Variants in SLC47A2 observed in about 807,000 individuals in gnomAD.
The protein encoded by SLC47A2 is solute carrier family 47 member 2.
SLC47A2 carries 52 observed loss-of-function variants against 67.7 expected under a neutral mutation model. The ratio of observed to expected loss-of-function variants is 0.77; its 90% CI spans 0.61 to 0.97. The LOEUF (loss-of-function observed/expected upper bound fraction) is 0.97, where lower values mean the gene tolerates loss of function less well. Ranked by LOEUF, SLC47A2 falls within the 50% of genes least tolerant of loss-of-function variation. SLC47A2 has a pLI of 0.00. For missense variants in SLC47A2, 676 were observed against 712.3 expected (o/e 0.95, Z 0.58); for synonymous variants, 278 against 292.9 (o/e 0.95, Z 0.52).
chr17:19,717,793 CTTT>C (rs2086297505), upstream of SLC47A2: 2 of 152,254 alleles, frequency 1.3e-5, no homozygotes, highest in African/African-American at 4.8e-5. Context: ...ACGCAGCCTT[CTTT>C]TTTGACACAG....
chr17:19,691,111 G>T (rs556098273), intron 13 of SLC47A2, among the ~76,000 whole-genome samples: 2 of 150,742 alleles, frequency 1.3e-5, no homozygotes, highest in Admixed American at 6.6e-5. Context: ...CAACAAGAGC[G>T]AAACTCCGTC....
At chr17:19,705,660 C>T (rs1026060929) in intron 9 of SLC47A2, among the ~76,000 whole-genome samples, 157 bp from the exon 10 acceptor site, 6 of 151,504 alleles carry the variant, frequency 4.0e-5, no homozygotes, top group East Asian at 1.9e-4. Context: ...AGTGCAGTGG[C>T]GCAATTATAG....
intron 10 of SLC47A2, 81 bp from the exon 11 acceptor site, chr17:19,704,259 G>T: frequency 1.7e-6 from 2 of 1,144,990 alleles, no homozygotes; most frequent in South Asian, 1.5e-5. Flanking sequence ...GGCCAAGAGG[G>T]ACGTGAGCGG....
rs1441418577 is a variant in SLC47A2, at chr17:19,678,430, C to T, written c.*256G>A. ...TAGTGACAATCCCTGGACTCTGACT[C>T]GTGCAGTTGGCTGATGTCTTCTGTA... On this transcript the variant is annotated 3_prime_UTR_variant, in exon 17 of 17. Transcript: ENST00000433844. 8 of 515,898 alleles carry T rather than the reference C, an allele frequency of 1.6e-5. No homozygotes were observed. The highest frequency in any genetic ancestry group is 3.2e-5 in the Admixed American group (1 of 31,444). 32.0% of individuals were successfully genotyped at this position (515,898 alleles called of 1,614,324 possible).
chr17:19,697,738 C>T (rs118124052), intron 13 of SLC47A2, among the ~76,000 whole-genome samples: 1 of 151,528 alleles, frequency 6.6e-6, no homozygotes, highest in Non-Finnish European at 1.5e-5. Context: ...CAGATATGCA[C>T]CACTATGCCC....
chr17:19,678,816 T>C lies in SLC47A2; in HGVS notation c.1571A>G (p.His524Arg), dbSNP rs200852129. 68 of 1,614,076 alleles carry C rather than the reference T, an allele frequency of 4.2e-5. No individual in the cohort carries two copies. The African/African-American group carries it at 8.0e-4, about 19-fold the overall frequency. The part of the protein sequence containing the change: ...VDFFRTPEEA[H>R]ALSAPTSRLS... Reference sequence around the variant, plus strand: ...TCTGCTGGTAGGAGCTGAAAGGGCGTGGGCCTCCTCTGGAGTCCTGAAGAA... The same window carrying C: ...TCTGCTGGTAGGAGCTGAAAGGGCGCGGGCCTCCTCTGGAGTCCTGAAGAA... Residue 524 changes from histidine to arginine, a missense_variant, in exon 17 of 17, where the codon CAC (histidine) becomes CGC (arginine). By Grantham distance (29) the His-to-Arg change is conservative. Coordinates refer to ENST00000433844, the MANE Select transcript of SLC47A2 (RefSeq NM_001099646.3).
rs959276279 is a variant in SLC47A2, at chr17:19,685,287, G to A, written c.1165-3617C>T. 1.3e-5 allele frequency among the ~76,000 whole-genome samples: 2 copies of A among 152,066 alleles called. No individual in the cohort carries two copies. The highest frequency in any genetic ancestry group is 2.4e-5 in the African/African-American group (1 of 41,398). ...CCACCCCATCTAGGAAGTGAGCAGC[G>A]TCTCTGCTTGGCTGCCCATCGTCTG... On this transcript the variant is annotated intron_variant, in intron 13 of 16. Transcript: ENST00000433844. The surrounding 1 kb of genome is among the most constrained non-coding windows in gnomAD (Gnocchi z 4.5).
intron 13 of SLC47A2, 164 bp downstream of exon 13, chr17:19,702,441 A>C (rs1597618873): frequency 1.0e-6 from 1 of 985,336 alleles, no homozygotes; most frequent in Non-Finnish European, 1.2e-6. Flanking sequence ...TGTTTGAAAT[A>C]AGAATGGAAC....
chr17:19,714,035 G>T, intron 3 of SLC47A2, 62 bp from the exon 4 acceptor site: 1 of 1,551,616 alleles, frequency 6.4e-7, no homozygotes, highest in Non-Finnish European at 8.7e-7. Flanking sequence ...TAAATCCCGC[G>T]CGGGGAGCGG....
chr17:19,704,802 C>T (rs1460055003), intron 10 of SLC47A2: 9 of 742,418 alleles, frequency 1.2e-5, no homozygotes, highest in African/African-American at 1.1e-4. Flanking sequence ...GGAATGTGGC[C>T]TGCTGCTCGA....
rs752332889 is a variant in SLC47A2, at chr17:19,681,587, G to T, written c.1248C>A (p.Gly416=). The T allele has an allele frequency of 2.3e-4, 379 of 1,614,078 alleles. No homozygotes were observed. Among genetic ancestry groups the T allele is most frequent in the Non-Finnish European group, 3.1e-4 (369 of 1,180,044 alleles). ...AVNAITYYII[G]LPLGILLTFV... ...AGGTCAGAAGGATGCCCAGTGGTAG[G>T]CCGATGATGTAATATGTGATGGCAT... is the stretch of plus-strand genomic sequence containing the variant. The change falls in exon 14 of 17, where the codon GGC becomes GGA. Residue 416 remains glycine (G), a synonymous_variant. Transcript: ENST00000433844.
chr17:19,712,820 C>G (rs2086138379), intron 4 of SLC47A2, 75 bp from the exon 5 acceptor site: 5 of 1,449,048 alleles, frequency 3.5e-6, no homozygotes, highest in Non-Finnish European at 4.8e-6. Flanking sequence ...CCTGTGTCCT[C>G]CAGGACTGGG....
intron 3 of SLC47A2, 24 bp downstream of exon 3, chr17:19,714,697 G>A: frequency 6.2e-7 from 1 of 1,613,512 alleles, no homozygotes; most frequent in Non-Finnish European, 8.5e-7. Flanking sequence ...CTGGCTTCCT[G>A]CCCAGCTCCA....
chr17:19,708,589 G>C, intron 6 of SLC47A2, 127 bp downstream of exon 6: 1 of 1,594,112 alleles, frequency 6.3e-7, no homozygotes, highest in Non-Finnish European at 8.6e-7. Context: ...CAGGTGGGTT[G>C]GAAGTGACCC....
rs1291607462 is a variant in SLC47A2, at chr17:19,713,163, G to A, written c.444-418C>T. On this transcript the variant is annotated intron_variant, in intron 4 of 16. Transcript: ENST00000433844. ...CCAGCACTTTGGGAGGCTGAGGCAG[G>A]TGGATCACGAGGTCAGGAGATCAAG... Among the ~76,000 whole-genome samples the A allele has an allele frequency of 2.0e-5, 3 of 152,120 alleles. No individual in the cohort carries two copies. In the East Asian group the frequency reaches 5.8e-4, roughly 29 times the overall value.
chr17:19,678,940 C>T (rs1597581917), intron 16 of SLC47A2, 34 bp from the exon 17 acceptor site: 1 of 1,544,384 alleles, frequency 6.5e-7, no homozygotes. Flanking sequence ...CTCAGCAGGT[C>T]AGGGGTCAGA....
intron 5 of SLC47A2, among the ~76,000 whole-genome samples, chr17:19,709,298 G>A (rs1272256241): frequency 6.6e-6 from 1 of 152,186 alleles, no homozygotes; most frequent in African/African-American, 2.4e-5. Flanking sequence ...GGACCATAGG[G>A]GAGTGTACGT....
intron 13 of SLC47A2, among the ~76,000 whole-genome samples, chr17:19,701,662 T>C (rs2085789791): frequency 6.6e-6 from 1 of 152,214 alleles, no homozygotes; most frequent in African/African-American, 2.4e-5. Flanking sequence ...TTTAGTGTTT[T>C]GGGTTTTGTT....
chr17:19,705,370 C>G (rs2085902155), intron 10 of SLC47A2, 66 bp downstream of exon 10: 13 of 1,516,048 alleles, frequency 8.6e-6, no homozygotes, highest in South Asian at 4.8e-5. Flanking sequence ...CAGCCTGCCC[C>G]CCTCCTATGA....
Sources: gnomAD v4.1 joint callset for allele counts (sites outside exome capture counted in the v4.1 genomes callset) on GRCh38, gnomAD v4.1.1 for gene constraint, Gnocchi (gnomAD v3.1) non-coding constraint, MANE v1.5 for transcripts, NCBI Gene and HGNC (gene_info 2026-07-23, HGNC 2026-07-21) for gene names.